Variants in CACNA1B observed in about 807,000 individuals in gnomAD.
CACNA1B encodes the protein voltage-dependent N-type calcium channel subunit alpha-1B.
Under a neutral mutation model 247.2 loss-of-function variants are expected in CACNA1B, and 70 were observed. The observed-to-expected ratio is 0.28, with a 90% confidence interval of 0.23 to 0.35. The LOEUF (loss-of-function observed/expected upper bound fraction) is 0.35. CACNA1B is among the 10% of genes least tolerant of loss of function. CACNA1B has a pLI of 1.00. For missense variants in CACNA1B, 2,367 were observed against 3,197.4 expected, an observed-to-expected ratio of 0.74 and a Z score of 6.26; for synonymous variants, 1,231 against 1,294.4, an observed-to-expected ratio of 0.95 and a Z score of 1.05.
chr9:138,034,747 T>C (rs1442692870), intron 20 of CACNA1B, among the ~76,000 whole-genome samples: 2 of 152,170 alleles, frequency 1.3e-5, no homozygotes, highest in African/African-American at 4.8e-5. Context: ...TTCTACCTGT[T>C]AGAATCTTAT....
At position 138,058,855 on chromosome 9, in the gene CACNA1B, A is replaced by G. The variant is rs568642207; in HGVS notation, c.4473+122A>G. The G allele has an allele frequency of 2.9e-4, 265 of 904,190 alleles. 6 individuals carry two copies. The South Asian group carries it at 3.8e-3, about 13-fold the overall frequency. 56.0% of individuals were successfully genotyped at this position (904,190 alleles called of 1,614,324 possible). A position where few individuals can be genotyped will look rare whatever the true frequency, so the allele number is the denominator to read the frequency against. On this transcript the variant is annotated intron_variant, in intron 29 of 46. Transcript: ENST00000371372. This position sits in a 1 kb window ranked among gnomAD's most constrained non-coding sequence, Gnocchi z 4.7. Reference sequence around the variant, plus strand: ...TGAGCCAAAGCAGTAGTGGCCTTGCATCCTGGCCAGCATGGGATGCCTGTG... The same window carrying G: ...TGAGCCAAAGCAGTAGTGGCCTTGCGTCCTGGCCAGCATGGGATGCCTGTG...
chr9:138,068,500 A>G (rs1454048076), intron 31 of CACNA1B: 1 of 468,132 alleles, frequency 2.1e-6, no homozygotes, highest in Non-Finnish European at 4.3e-6. Context: ...TGTGTTTCCC[A>G]GTGGCTGCCT....
At position 138,014,763 on chromosome 9, in the gene CACNA1B, C is replaced by T. The variant is rs866633309; in HGVS notation, c.2267+1528C>T. Among the ~76,000 whole-genome samples, 4 of 151,956 alleles carry T rather than the reference C, an allele frequency of 2.6e-5. No homozygotes were observed. Among genetic ancestry groups the T allele is most frequent in the Non-Finnish European group, 4.4e-5 (3 of 67,982 alleles). On this transcript the variant is annotated intron_variant, in intron 18 of 46. Coordinates refer to ENST00000371372, the MANE Select transcript of CACNA1B (RefSeq NM_000718.4). This position sits in a 1 kb window ranked among gnomAD's most constrained non-coding sequence, Gnocchi z 6.2. ...TGGAGGCGAGCACTTGTCCCTTGAC[C>T]CCTGCTGCCTGCCGGCCCTGCCTCC...
chr9:137,995,334 G>A (rs1314890826), intron 15 of CACNA1B, among the ~76,000 whole-genome samples: 1 of 152,032 alleles, frequency 6.6e-6, no homozygotes, highest in Admixed American at 6.6e-5. Flanking sequence ...ATAAAAATAG[G>A]TACATAGACC....
intron 15 of CACNA1B, among the ~76,000 whole-genome samples, chr9:138,001,598 G>C (rs1317834603): frequency 2.0e-5 from 3 of 151,784 alleles, no homozygotes; most frequent in Non-Finnish European, 4.4e-5. Context: ...AAAGAAAGAA[G>C]TAAAAAGACT....
chr9:137,982,578 C>T (rs1958306786), intron 12 of CACNA1B, among the ~76,000 whole-genome samples: 1 of 152,182 alleles, frequency 6.6e-6, no homozygotes, highest in African/African-American at 2.4e-5. Context: ...ATCTTAGAGG[C>T]TGCCTACTAC....
In CACNA1B at chr9:137,954,567, T is replaced by C. The variant is rs932246172; in HGVS notation, c.1071-1131T>C. Among the ~76,000 whole-genome samples, 3 of 152,064 alleles carry C rather than the reference T, an allele frequency of 2.0e-5. No individual in the cohort carries two copies. Among genetic ancestry groups the C allele is most frequent in the African/African-American group, 4.8e-5 (2 of 41,382 alleles). On this transcript the variant is annotated intron_variant, in intron 7 of 46. Transcript: ENST00000371372. This position sits in a 1 kb window ranked among gnomAD's most constrained non-coding sequence, Gnocchi z 4.1. ...AGCAGTGATGTCCTTGCCCTTCCCC[T>C]GCCCCCCAGGCCCTCTCATTCTCAG...
At chr9:137,886,423 C>T (rs1418524900) in intron 3 of CACNA1B, among the ~76,000 whole-genome samples, 3 of 152,138 alleles carry the variant, frequency 2.0e-5, no homozygotes, top group Non-Finnish European at 2.9e-5. Flanking sequence ...CCATCCTGCC[C>T]TCTGCTCAGC....
chr9:137,982,152 G>C (rs866942181), intron 12 of CACNA1B, among the ~76,000 whole-genome samples: 1 of 152,202 alleles, frequency 6.6e-6, no homozygotes. Flanking sequence ...TCAGGAATCA[G>C]GGTGGCTTAA....
rs1958155603 is a variant in CACNA1B at position 137,971,909 on chromosome 9, G to T, written c.1543+317G>T. ...GGCAGGATATATGTGGGACGACCAG[G>T]GGCGAGTCAGGCCAGGCAGATGGGT... On this transcript the variant is annotated intron_variant, in intron 11 of 46. Coordinates refer to ENST00000371372, the MANE Select transcript of CACNA1B (RefSeq NM_000718.4). This position sits in a 1 kb window ranked among gnomAD's most constrained non-coding sequence, Gnocchi z 4.4. Among the ~76,000 whole-genome samples, 2 of 152,114 alleles carry T rather than the reference G, an allele frequency of 1.3e-5. No individual in the cohort carries two copies. Among genetic ancestry groups the T allele is most frequent in the Admixed American group, 1.3e-4 (2 of 15,280 alleles).
chr9:137,974,835 G>T lies in CACNA1B; in HGVS notation c.1544-1072G>T, dbSNP rs1362876378. ...CTCCCAGGGCCTTGTTCTCCATGTG[G>T]GCTCTGCCCTGGGCTCTGTTGCCTC... On this transcript the variant is annotated intron_variant, in intron 11 of 46. Coordinates refer to ENST00000371372, the MANE Select transcript of CACNA1B (RefSeq NM_000718.4). This position sits in a 1 kb window ranked among gnomAD's most constrained non-coding sequence, Gnocchi z 4.5. 1.3e-5 allele frequency among the ~76,000 whole-genome samples: 2 copies of T among 152,220 alleles called. No individual in the cohort carries two copies. Among genetic ancestry groups the T allele is most frequent in the African/African-American group, 4.8e-5 (2 of 41,466 alleles).
intron 6 of CACNA1B, among the ~76,000 whole-genome samples, chr9:137,934,882 A>G (rs1414399456): frequency 1.3e-5 from 2 of 152,202 alleles, no homozygotes; most frequent in African/African-American, 4.8e-5. Flanking sequence ...ATGAGAAGGA[A>G]CCAGAAAACC....
At chr9:137,936,872 G>C (rs1957674794) in intron 6 of CACNA1B, among the ~76,000 whole-genome samples, 2 of 152,180 alleles carry the variant, frequency 1.3e-5, no homozygotes, top group Admixed American at 6.5e-5. Context: ...ATGCTGTTTT[G>C]GTTACTGTAG....
rs978830032 is a variant in CACNA1B at position 138,072,701 on chromosome 9, A to G, written c.4675-787A>G. On this transcript the variant is annotated intron_variant, in intron 32 of 46. Coordinates refer to ENST00000371372, the MANE Select transcript of CACNA1B (RefSeq NM_000718.4). The surrounding 1 kb of genome is among the most constrained non-coding windows in gnomAD (Gnocchi z 4.5). Reference sequence around the variant, plus strand: ...TTCCCTGAAAGGGATGTGCCAGTACAGTAATTCAAGTGCCCTGGGGCCACG... The same window carrying G: ...TTCCCTGAAAGGGATGTGCCAGTACGGTAATTCAAGTGCCCTGGGGCCACG... 3.3e-5 allele frequency among the ~76,000 whole-genome samples: 5 copies of G among 152,244 alleles called. No homozygotes were observed. Among genetic ancestry groups the G allele is most frequent in the Non-Finnish European group, 7.3e-5 (5 of 68,046 alleles).
chr9:137,936,055 C>G (rs919957707), intron 6 of CACNA1B, among the ~76,000 whole-genome samples: 1 of 152,212 alleles, frequency 6.6e-6, no homozygotes, highest in Admixed American at 6.5e-5. Flanking sequence ...GACGGGGTTT[C>G]ACCGTGTTAG....
intron 37 of CACNA1B, among the ~76,000 whole-genome samples, chr9:138,099,341 G>A (rs905689137): frequency 2.6e-5 from 4 of 152,250 alleles, no homozygotes; most frequent in Non-Finnish European, 5.9e-5. Flanking sequence ...GTATATATGT[G>A]TGCCTGTGTG....
rs994333812 is a variant in CACNA1B, at chr9:137,992,987, C to T, written c.1974+6133C>T. On this transcript the variant is annotated intron_variant, in intron 15 of 46. Transcript: ENST00000371372. ...AATTTAAAAAAATCTTTGAACTGAACGATAATAGTGACACAACCTATCAAA... is the reference window on the plus strand; with the variant it reads ...AATTTAAAAAAATCTTTGAACTGAATGATAATAGTGACACAACCTATCAAA... 1.1e-4 allele frequency among the ~76,000 whole-genome samples: 17 copies of T among 152,154 alleles called. No homozygotes were observed. In the East Asian group the frequency reaches 2.9e-3, roughly 26 times the overall value.
intron 15 of CACNA1B, among the ~76,000 whole-genome samples, chr9:138,006,042 C>CAAA (rs11288171): frequency 8.9e-5 from 6 of 67,778 alleles, no homozygotes; most frequent in African/African-American, 9.5e-5. Context: ...GACTCCATGT[C>CAAA]AAAAAAAAAA....
chr9:138,106,876 C>T (rs552755841), intron 39 of CACNA1B, among the ~76,000 whole-genome samples: 1 of 152,330 alleles, frequency 6.6e-6, no homozygotes, highest in Admixed American at 6.5e-5. Context: ...GCTGGGGGCT[C>T]TTCCCAGCTT....
Sources: gnomAD v4.1 joint callset for allele counts (sites outside exome capture counted in the v4.1 genomes callset) on GRCh38, gnomAD v4.1.1 for gene constraint, Gnocchi (gnomAD v3.1) non-coding constraint, MANE v1.5 for transcripts, NCBI Gene and HGNC (gene_info 2026-07-23, HGNC 2026-07-21) for gene names.